CAST: variants seen among roughly 807,000 people sequenced by gnomAD.
The protein encoded by CAST is MIR583 host.
In CAST, 76 loss-of-function variants were observed where a neutral mutation model predicts 119.6. That is an observed-to-expected ratio of 0.64 (90% confidence interval 0.53 to 0.77). The LOEUF (loss-of-function observed/expected upper bound fraction) is 0.77, where lower values mean the gene tolerates loss of function less well. CAST is among the 30% of genes least tolerant of loss of function. The pLI is 0.00. For synonymous variants in CAST, 319 were observed against 331.6 expected, an observed-to-expected ratio of 0.96 and a Z score of 0.41; for missense variants, 953 against 946.5, an observed-to-expected ratio of 1.01 and a Z score of -0.09.
chr5:96,551,561 C>T (rs1746126260), intron 1 of CAST, among the ~76,000 whole-genome samples: 1 of 152,074 alleles, frequency 6.6e-6, no homozygotes, highest in Non-Finnish European at 1.5e-5. Flanking sequence ...CAAATTCACA[C>T]ATAACAATAT....
At chr5:96,577,983 C>T (rs999632097) in intron 1 of CAST, among the ~76,000 whole-genome samples, 16 of 151,976 alleles carry the variant, frequency 1.1e-4, no homozygotes, top group Non-Finnish European at 2.9e-5. Context: ...CTTCTATATC[C>T]TTGCTGATTT....
At chr5:96,086,751 C>T in the CAST span, among the ~76,000 whole-genome samples, 1 of 151,998 alleles carries the variant, frequency 6.6e-6, no homozygotes, top group Admixed American at 6.6e-5. Context: ...TCAGGATAAC[C>T]CCGGTGAATT....
intron 1 of CAST, among the ~76,000 whole-genome samples, chr5:96,532,517 C>A (rs1444669065): frequency 6.6e-6 from 1 of 152,138 alleles, no homozygotes; most frequent in Admixed American, 6.5e-5. Flanking sequence ...GAGTTTGAGA[C>A]CAGCCTGGGC....
chr5:96,765,098 C>A, intron 25 of CAST, 123 bp from the exon 26 acceptor site: 1 of 679,370 alleles, frequency 1.5e-6, no homozygotes, highest in South Asian at 1.8e-5. Flanking sequence ...CCTGCCCCAG[C>A]CCCAGATGTC....
chr5:96,509,842 A>G, the CAST span, among the ~76,000 whole-genome samples: 1 of 152,338 alleles, frequency 6.6e-6, no homozygotes, highest in Non-Finnish European at 1.5e-5. Flanking sequence ...TCTTTAAAAT[A>G]ATTGTTCTCT....
At chr5:96,353,365 T>A in the CAST span, among the ~76,000 whole-genome samples, 154 of 152,288 alleles carry the variant, frequency 1.0e-3, 1 homozygote, top group Middle Eastern at 6.8e-3. Context: ...TCCAAACTTA[T>A]ATGACCTAAC....
intron 1 of CAST, among the ~76,000 whole-genome samples, chr5:96,540,237 A>G (rs942745023): frequency 2.6e-5 from 4 of 152,062 alleles, no homozygotes; most frequent in Admixed American, 2.0e-4. Flanking sequence ...CAGCCCATGT[A>G]GTTACTGGTC....
chr5:96,523,319 G>A (rs942330321), upstream of CAST, among the ~76,000 whole-genome samples: 3 of 152,232 alleles, frequency 2.0e-5, no homozygotes, highest in African/African-American at 7.2e-5. Context: ...CAAGCTGTGT[G>A]GAAGGTGTTC....
chr5:96,195,851 G>T, the CAST span, among the ~76,000 whole-genome samples: 2 of 152,086 alleles, frequency 1.3e-5, no homozygotes, highest in Non-Finnish European at 2.9e-5. Flanking sequence ...GTTTAATATG[G>T]CATTAAATAC....
At chr5:96,168,390 G>A in the CAST span, among the ~76,000 whole-genome samples, 20 of 152,188 alleles carry the variant, frequency 1.3e-4, no homozygotes, top group African/African-American at 4.8e-4. Context: ...GTGTAGTGAG[G>A]AAACCTCTTT....
At chr5:96,456,142 A>T in the CAST span, among the ~76,000 whole-genome samples, 1 of 152,240 alleles carries the variant, frequency 6.6e-6, no homozygotes, top group Non-Finnish European at 1.5e-5. Flanking sequence ...CCCTAAAGAC[A>T]GTGGATGGAA....
the CAST span, among the ~76,000 whole-genome samples, chr5:96,182,443 A>G: frequency 1.6e-4 from 25 of 152,366 alleles, no homozygotes; most frequent in African/African-American, 5.0e-4. Flanking sequence ...GGTTTTTGCT[A>G]TCAGCTAGGA....
the CAST span, among the ~76,000 whole-genome samples, chr5:96,118,380 CA>C: frequency 6.6e-6 from 1 of 152,084 alleles, no homozygotes; most frequent in South Asian, 2.1e-4. Flanking sequence ...AGCCATGGGC[CA>C]AGTTTGCATT....
intron 3 of CAST, among the ~76,000 whole-genome samples, chr5:96,716,959 G>A (rs888441811): frequency 2.0e-5 from 3 of 152,120 alleles, no homozygotes; most frequent in Non-Finnish European, 2.9e-5. Context: ...CATCCAAATG[G>A]AAACTTAAGT....
At chr5:96,511,024 G>T in the CAST span, among the ~76,000 whole-genome samples, 1 of 151,982 alleles carries the variant, frequency 6.6e-6, no homozygotes, top group African/African-American at 2.4e-5. Flanking sequence ...GGCTTGTGTG[G>T]TCCACACTGT....
intron 9 of CAST, among the ~76,000 whole-genome samples, chr5:96,735,226 TATCTA>T (rs1185388417): frequency 1.3e-5 from 2 of 152,228 alleles, no homozygotes; most frequent in African/African-American, 4.8e-5. Flanking sequence ...TAGATTCACT[TATCTA>T]ATATCTCCAA....
chr5:96,526,831 A>G (rs1745603635), upstream of CAST, among the ~76,000 whole-genome samples: 1 of 152,234 alleles, frequency 6.6e-6, no homozygotes, highest in Admixed American at 6.5e-5. Flanking sequence ...AAAAAGAGAC[A>G]CACGTTATAG....
chr5:96,770,041 C>G (rs1038924852), intron 29 of CAST: 7 of 155,058 alleles, frequency 4.5e-5, no homozygotes, highest in African/African-American at 1.7e-4. Flanking sequence ...GTGCAGATAT[C>G]TTTATAAGGT....
the CAST span, among the ~76,000 whole-genome samples, chr5:95,984,286 C>CT: frequency 6.6e-6 from 1 of 152,224 alleles, no homozygotes; most frequent in East Asian, 1.9e-4. Flanking sequence ...ATGAAAGTAG[C>CT]TAATTTTTGG....
Sources: allele counts gnomAD v4.1 joint callset (sites outside exome capture counted in the v4.1 genomes callset), GRCh38; gene constraint gnomAD v4.1.1; transcripts MANE v1.5; gene names NCBI Gene and HGNC (gene_info 2026-07-23, HGNC 2026-07-21).